LPIN3: variants seen among roughly 807,000 people sequenced by gnomAD.
LPIN3 encodes phosphatidate phosphatase LPIN3.
In LPIN3, 82 loss-of-function variants were observed where a neutral mutation model predicts 94.7. The ratio of observed to expected loss-of-function variants is 0.87; its 90% CI spans 0.72 to 1.04. LPIN3 has a LOEUF of 1.04. LPIN3 is among the 50% of genes least tolerant of loss of function. The pLI is 0.00. For missense variants in LPIN3, 996 were observed against 1,090.5 expected, an observed-to-expected ratio of 0.91 and a Z score of 1.22; for synonymous variants, 418 against 443.3, an observed-to-expected ratio of 0.94 and a Z score of 0.72.
intron 1 of LPIN3, among the ~76,000 whole-genome samples, chr20:41,342,136 G>C (rs2045604990): frequency 6.6e-6 from 1 of 152,042 alleles, no homozygotes; most frequent in Non-Finnish European, 1.5e-5. Flanking sequence ...TGCATTCCAG[G>C]GCTTTACACA....
chr20:41,343,430 G>A (rs976676124), intron 1 of LPIN3, among the ~76,000 whole-genome samples: 26 of 152,350 alleles, frequency 1.7e-4, no homozygotes, highest in Admixed American at 1.6e-3. Context: ...AGAAACCAAA[G>A]TGGAAATGTC....
At chr20:41,346,060 A>G (rs907104604) in intron 2 of LPIN3, 65 bp downstream of exon 2, 23 of 1,540,008 alleles carry the variant, frequency 1.5e-5, no homozygotes, top group Non-Finnish European at 2.0e-5. Context: ...GGCAGCCACT[A>G]CAGTCCCAGG....
intron 11 of LPIN3, among the ~76,000 whole-genome samples, chr20:41,353,259 CTA>C (rs1010169627): frequency 6.6e-6 from 1 of 152,228 alleles, no homozygotes; most frequent in African/African-American, 2.4e-5. Context: ...TGCCTGAAGA[CTA>C]TTCCTCCAGG....
rs2045753292 is a variant in LPIN3 at position 41,345,897 on chromosome 20, G to C, written c.94G>C (p.Asp32His). The C allele has an allele frequency of 1.9e-6, 3 of 1,614,236 alleles. No homozygotes were observed. Among genetic ancestry groups the C allele is most frequent in the Non-Finnish European group, 2.5e-6 (3 of 1,180,048 alleles). The change falls in exon 2 of 20, where the codon GAC becomes CAC. Residue 32 changes from aspartate to histidine, a missense_variant. Coordinates refer to ENST00000373257, the MANE Select transcript of LPIN3 (RefSeq NM_022896.3). ...CCCAGCCACACTGAGCGGCGGCATTGACGTGCTGGTGGTGAAGCAGGTGGA... is the reference window on the plus strand; with the variant it reads ...CCCAGCCACACTGAGCGGCGGCATTCACGTGCTGGTGGTGAAGCAGGTGGA... ...LNPATLSGGIDVLVVKQVDGS... is the reference protein window; with the variant it reads ...LNPATLSGGIHVLVVKQVDGS...
rs550033980 is a variant in LPIN3 at position 41,359,712 on chromosome 20, C to T, written c.*846C>T. On this transcript the variant is annotated 3_prime_UTR_variant, in exon 20 of 20. Coordinates refer to ENST00000373257, the MANE Select transcript of LPIN3 (RefSeq NM_022896.3). ...TGGCATCTCAGCACATGACACACAC[C>T]CACACCTGCAGGCTGTGGTTCCGGC... The T allele has an allele frequency of 3.7e-4, 56 of 152,804 alleles. No homozygotes were observed. Among genetic ancestry groups the T allele is most frequent in the South Asian group, 2.5e-3 (12 of 4,836 alleles). The allele number at this position is 152,804 out of a possible 1,614,324, so 9.5% of individuals were successfully genotyped here.
rs138199945 is a variant in LPIN3 at position 41,350,713 on chromosome 20, C to A, written c.1102+316C>A. On this transcript the variant is annotated intron_variant, in intron 7 of 19. Transcript: ENST00000373257. ...AAGTGAGGAGCAGGGGAAGGGAATT[C>A]TAGGCAGAGGAAACAGTATGTGCCA... Among the ~76,000 whole-genome samples, 30 of 152,054 alleles carry A rather than the reference C, an allele frequency of 2.0e-4. 1 individual carries two copies. In the East Asian group the frequency reaches 5.8e-3, roughly 30 times the overall value.
Position 41,347,620 on chromosome 20 carries a change from C to CT in LPIN3, c.264dup (p.Val89CysfsTer8), listed in dbSNP as rs1201723679. 6.2e-7 allele frequency: 1 copy of CT among 1,614,088 alleles called. No individual in the cohort carries two copies. The highest frequency in any genetic ancestry group is 1.1e-5 in the South Asian group (1 of 91,064). The stretch of plus-strand genomic sequence containing the variant: ...AGCTTGGGGACAGCGGGGAGGCCTT[C>CT]TTTGTTCAGGAGCTGGAGAGCGATG... On this transcript the variant is annotated frameshift_variant, in exon 3 of 20. Transcript: ENST00000373257. LOFTEE classifies it high-confidence loss of function.
Position 41,341,591 on chromosome 20 carries a change from C to T in LPIN3, c.-9+589C>T, listed in dbSNP as rs552886883. ...TAGTCTAGCCTGGAAGGCCTGTGAA[C>T]ATCCCCAAGGTGGGGTGTGAGGCCT... On this transcript the variant is annotated intron_variant, in intron 1 of 19. Transcript: ENST00000373257. Among the ~76,000 whole-genome samples, 16 of 152,374 alleles carry T rather than the reference C, an allele frequency of 1.1e-4. No homozygotes were observed. In the East Asian group the frequency reaches 3.1e-3, roughly 29 times the overall value.
Position 41,345,857 on chromosome 20 carries a change from G to A in LPIN3, c.54G>A (p.Leu18=), listed in dbSNP as rs1346948567. The A allele has an allele frequency of 3.1e-6, 5 of 1,614,246 alleles. No individual in the cohort carries two copies. Among genetic ancestry groups the A allele is most frequent in the Middle Eastern group, 1.6e-4 (1 of 6,062 alleles). ...AETVFGTVKE[L]YRGLNPATLS... ...CGGTGTTTGGGACGGTGAAGGAGCTGTACCGGGGCCTGAACCCAGCCACAC... is the reference window on the plus strand; with the variant it reads ...CGGTGTTTGGGACGGTGAAGGAGCTATACCGGGGCCTGAACCCAGCCACAC... Residue 18 remains leucine (L), a synonymous_variant, in exon 2 of 20, where the codon CTG becomes CTA. Coordinates refer to ENST00000373257, the MANE Select transcript of LPIN3 (RefSeq NM_022896.3).
intron 1 of LPIN3, among the ~76,000 whole-genome samples, chr20:41,343,629 A>G (rs761226697): frequency 3.9e-5 from 6 of 152,230 alleles, no homozygotes; most frequent in Non-Finnish European, 8.8e-5. Flanking sequence ...AGGATGTGGC[A>G]TTATCTGAGA....
chr20:41,358,570 ATGCCCTACCACGTCCCCC>A, intron 19 of LPIN3, 28 bp downstream of exon 19: 1 of 1,611,622 alleles, frequency 6.2e-7, no homozygotes, highest in Non-Finnish European at 8.5e-7. Context: ...CATGTTCCCC[ATGCCCTACCACGTCCCCC>A]TGCCCTGGCT....
rs779791289 is a variant in LPIN3, at chr20:41,350,071, G to A, written c.776G>A (p.Arg259Gln). ...GRLPKVARAE[R>Q]PESSVVLEGR... ...CCACTAAAGGTGGCCAGAGCTGAGC[G>A]GCCCGAGTCCTCAGTGGTCCTTGAA... Residue 259 changes from arginine (R) to glutamine (Q), a missense_variant, in exon 7 of 20, where the codon CGG becomes CAG. By Grantham distance (43) the Arg-to-Gln change is conservative. Transcript: ENST00000373257. The A allele has an allele frequency of 1.1e-5, 18 of 1,601,332 alleles. No individual in the cohort carries two copies. The highest frequency in any genetic ancestry group is 1.0e-4 in the Admixed American group (6 of 58,748).
Position 41,359,861 on chromosome 20 carries a change from TG to T in LPIN3, c.*997del, listed in dbSNP as rs1359994317. 6.6e-6 allele frequency: 1 copy of T among 152,296 alleles called. No homozygotes were observed. The highest frequency in any genetic ancestry group is 2.4e-5 in the African/African-American group (1 of 41,442). The allele number at this position is 152,296 out of a possible 1,614,324, so 9.4% of individuals were successfully genotyped here. On this transcript the variant is annotated 3_prime_UTR_variant, in exon 20 of 20. Transcript: ENST00000373257. ...CTCCCCCAGCCTCTGCTGGCCAGCT[TG>T]GTGCTCACAGCTGCTGGGTAAGCTC...
At position 41,356,042 on chromosome 20, in the gene LPIN3, TG is replaced by T. The variant is rs745676410; in HGVS notation, c.1803+11del. 6.2e-7 allele frequency: 1 copy of T among 1,612,382 alleles called. No homozygotes were observed. On this transcript the variant is annotated intron_variant, in intron 14 of 19. Transcript: ENST00000373257. ...CTCTCCTCCGATCAGATCGTAAGTG[TG>T]GGTTGTCTGTGTGGAGGTTGGGGAG...
intron 14 of LPIN3, among the ~76,000 whole-genome samples, chr20:41,356,747 C>G (rs1025381895): frequency 2.6e-5 from 4 of 152,176 alleles, no homozygotes; most frequent in African/African-American, 9.7e-5. Context: ...GCCTGGGAAT[C>G]CTGGGCAGGG....
chr20:41,345,683 C>T, intron 1 of LPIN3, 113 bp from the exon 2 acceptor site: 3 of 1,168,870 alleles, frequency 2.6e-6, no homozygotes, highest in Admixed American at 4.9e-5. Context: ...TGCAAAGGCA[C>T]TCCAAGGCGT....
intron 2 of LPIN3, 61 bp from the exon 3 acceptor site, chr20:41,347,491 G>A: frequency 6.6e-7 from 1 of 1,520,472 alleles, no homozygotes; most frequent in South Asian, 1.1e-5. Flanking sequence ...CAGCCAGGAG[G>A]CCTGTGGTCG....
Position 41,354,681 on chromosome 20 carries a change from C to G in LPIN3, c.1564C>G (p.Arg522Gly). ...CAAGCTGGAGAGGGAGAAGATGCCC[C>G]GGAAGGGTGGGCGATGGTGGTTTTC... The part of the protein sequence containing the change: ...MDKLEREKMP[R>G]KGGRWWFSWR... Residue 522 changes from arginine to glycine, a missense_variant, in exon 12 of 20, where the codon CGG becomes GGG. Arg to Gly is a moderately radical substitution (Grantham distance 125). Transcript: ENST00000373257. 1 of 1,602,628 alleles carries G rather than the reference C, an allele frequency of 6.2e-7. No homozygotes were observed. The highest frequency in any genetic ancestry group is 8.5e-7 in the Non-Finnish European group (1 of 1,173,566).
chr20:41,356,157 A>G (rs1202870715), intron 14 of LPIN3, 123 bp downstream of exon 14: 2 of 1,414,104 alleles, frequency 1.4e-6, no homozygotes, highest in Non-Finnish European at 9.6e-7. Flanking sequence ...GCCAGAATCT[A>G]TCCCCTTGGG....
Sources: allele counts gnomAD v4.1 joint callset (sites outside exome capture counted in the v4.1 genomes callset), GRCh38; gene constraint gnomAD v4.1.1; transcripts MANE v1.5; gene names NCBI Gene and HGNC (gene_info 2026-07-23, HGNC 2026-07-21).